Variants in RCOR1 observed in about 807,000 individuals in gnomAD.
RCOR1 encodes REST corepressor 1.
A neutral mutation model predicts 64.0 loss-of-function variants in RCOR1; 12 were observed. The observed-to-expected ratio is 0.19, with a 90% CI of 0.12 to 0.30. RCOR1 has a LOEUF of 0.30. Among genes scored for constraint, RCOR1 ranks in the 10% least tolerant of loss-of-function variants. The pLI, the probability that RCOR1 is intolerant of heterozygous loss-of-function variation, is 1.00. For synonymous variants in RCOR1, 279 were observed against 227.2 expected (o/e 1.23, Z -2.05); for missense variants, 502 against 621.2 (o/e 0.81, Z 2.04).
chr14:102,643,813 A>C (rs952464426), intron 2 of RCOR1, among the ~76,000 whole-genome samples: 2 of 152,130 alleles, frequency 1.3e-5, no homozygotes, highest in Admixed American at 1.3e-4. Context: ...CTATGAAGTG[A>C]AAGTTTGTAT....
At chr14:102,697,007 A>G (rs1895665329) in intron 3 of RCOR1, among the ~76,000 whole-genome samples, 1 of 152,140 alleles carries the variant, frequency 6.6e-6, no homozygotes, top group African/African-American at 2.4e-5. Flanking sequence ...TGGGAAGGGA[A>G]TAGCATCAGG....
chr14:102,597,238 G>C (rs1040135739), intron 2 of RCOR1, among the ~76,000 whole-genome samples: 1 of 152,018 alleles, frequency 6.6e-6, no homozygotes, highest in African/African-American at 2.4e-5. Context: ...AGAGGTGGAC[G>C]TGAAACTTAA....
intron 3 of RCOR1, among the ~76,000 whole-genome samples, chr14:102,696,808 CTTTTTTTTTTTT>C (rs71305075): frequency 1.7e-4 from 10 of 57,406 alleles, no homozygotes; most frequent in Non-Finnish European, 3.4e-4. Context: ...ATCTGCTTAT[CTTTTTTTTTTTT>C]TTTTTTTTTT....
Position 102,729,493 on chromosome 14 carries a change from A to G in RCOR1, c.*2987A>G, listed in dbSNP as rs1205748382. Reference sequence around the variant, plus strand: ...GGTGTACAGTGTTTGTGGAGACGCCACTTCCTCAAAATGGTTTTTGATTGT... The same window carrying G: ...GGTGTACAGTGTTTGTGGAGACGCCGCTTCCTCAAAATGGTTTTTGATTGT... On this transcript the variant is annotated 3_prime_UTR_variant, in exon 12 of 12. Coordinates refer to ENST00000262241, the MANE Select transcript of RCOR1 (RefSeq NM_015156.4). The G allele has an allele frequency of 6.0e-6, 1 of 166,998 alleles. No individual in the cohort carries two copies. Among genetic ancestry groups the G allele is most frequent in the Admixed American group, 6.4e-5 (1 of 15,672 alleles). 10.3% of individuals were successfully genotyped at this position (166,998 alleles called of 1,614,324 possible).
At chr14:102,622,652 A>G (rs1034640465) in intron 2 of RCOR1, among the ~76,000 whole-genome samples, 1 of 151,352 alleles carries the variant, frequency 6.6e-6, no homozygotes, top group Non-Finnish European at 1.5e-5. Flanking sequence ...CGCCCCACAC[A>G]TTCTTATTCT....
intron 2 of RCOR1, among the ~76,000 whole-genome samples, chr14:102,651,894 C>A (rs1307505895): frequency 6.6e-6 from 1 of 152,122 alleles, no homozygotes; most frequent in African/African-American, 2.4e-5. Context: ...TTAGATAGCC[C>A]TGTAGACCTG....
chr14:102,596,459 G>A (rs1374193574), intron 2 of RCOR1, among the ~76,000 whole-genome samples: 5 of 152,120 alleles, frequency 3.3e-5, no homozygotes, highest in Non-Finnish European at 7.4e-5. Context: ...CTTAAGACAG[G>A]TTCTTTCCAT....
chr14:102,706,162 A>G (rs1895855567), intron 4 of RCOR1, among the ~76,000 whole-genome samples: 2 of 150,096 alleles, frequency 1.3e-5, no homozygotes, highest in Non-Finnish European at 3.0e-5. Flanking sequence ...ACAGTAATTC[A>G]GGAAATGAAG....
At chr14:102,598,534 G>A (rs544182507) in intron 2 of RCOR1, among the ~76,000 whole-genome samples, 223 of 141,716 alleles carry the variant, frequency 1.6e-3, no homozygotes, top group African/African-American at 5.3e-3. Context: ...TGCAAGCTCC[G>A]CATCCTGGGT....
chr14:102,700,629 G>C (rs570783221), intron 3 of RCOR1, among the ~76,000 whole-genome samples: 2 of 152,142 alleles, frequency 1.3e-5, no homozygotes, highest in African/African-American at 4.8e-5. Flanking sequence ...TCAGCTTTCC[G>C]AAGTGTTAGG....
chr14:102,714,974 T>G (rs1186683188), intron 8 of RCOR1, among the ~76,000 whole-genome samples: 1 of 152,156 alleles, frequency 6.6e-6, no homozygotes, highest in Non-Finnish European at 1.5e-5. Flanking sequence ...CCCATGCATT[T>G]TCCCTCCTGG....
intron 2 of RCOR1, among the ~76,000 whole-genome samples, chr14:102,634,710 T>A (rs28515010): frequency 3.3e-5 from 5 of 150,854 alleles, no homozygotes; most frequent in Non-Finnish European, 7.4e-5. Flanking sequence ...ATATATATAT[T>A]TTTTGGGACA....
At chr14:102,664,054 A>T (rs1246197803) in intron 2 of RCOR1, among the ~76,000 whole-genome samples, 1 of 152,206 alleles carries the variant, frequency 6.6e-6, no homozygotes, top group Non-Finnish European at 1.5e-5. Context: ...GAAAAGGGAC[A>T]TAGATTAGGC....
chr14:102,662,806 T>A (rs1053910982), intron 2 of RCOR1: 1 of 180,322 alleles, frequency 5.5e-6, no homozygotes, highest in Non-Finnish European at 1.2e-5. Flanking sequence ...TTCTTTCCAA[T>A]TTATTGCTGT....
intron 2 of RCOR1, among the ~76,000 whole-genome samples, chr14:102,618,921 G>A (rs1316109289): frequency 2.0e-5 from 3 of 152,104 alleles, no homozygotes; most frequent in African/African-American, 7.2e-5. Flanking sequence ...TCAGGCTGAG[G>A]GAAGACACGT....
At chr14:102,657,631 A>G (rs1894752426) in intron 2 of RCOR1, 2 of 636,120 alleles carry the variant, frequency 3.1e-6, no homozygotes, top group South Asian at 1.4e-4. Context: ...TGAGGTCAGG[A>G]GTTCGAGACC....
Position 102,711,137 on chromosome 14 carries a change from C to CT in RCOR1, c.858+125dup, listed in dbSNP as rs1457639616. The CT allele has an allele frequency of 3.9e-5, 25 of 636,644 alleles. No individual in the cohort carries two copies. The Admixed American group carries it at 8.8e-4, about 22-fold the overall frequency. 39.4% of individuals were successfully genotyped at this position (636,644 alleles called of 1,614,324 possible). A position where few individuals can be genotyped will look rare whatever the true frequency, so the allele number is the denominator to read the frequency against. ...CTATGTGGAAAGCAGCATGATATGA[C>CT]TATTTTTCAACAATACTGTCTTTGC... On this transcript the variant is annotated intron_variant, in intron 7 of 11. Transcript: ENST00000262241.
intron 2 of RCOR1, among the ~76,000 whole-genome samples, chr14:102,672,503 C>T (rs367914999): frequency 5.3e-5 from 8 of 152,282 alleles, no homozygotes; most frequent in South Asian, 4.1e-4. Context: ...TGAGCCACCA[C>T]GCCCGGCCTC....
chr14:102,678,215 GGAGAC>G (rs1459660480), intron 2 of RCOR1, among the ~76,000 whole-genome samples: 1 of 143,522 alleles, frequency 7.0e-6, no homozygotes, highest in Admixed American at 7.1e-5. Flanking sequence ...GGAGAGAGAG[GGAGAC>G]GAGAGGGAGA....
Sources: gnomAD v4.1 joint callset for allele counts (sites outside exome capture counted in the v4.1 genomes callset) on GRCh38, gnomAD v4.1.1 for gene constraint, MANE v1.5 for transcripts, NCBI Gene and HGNC (gene_info 2026-07-23, HGNC 2026-07-21) for gene names.